The following ERBB4 variants were observed in gnomAD, a reference collection of about 807,000 sequenced individuals.
The protein encoded by ERBB4 is erb-b2 receptor tyrosine kinase 4.
A neutral mutation model predicts 158.0 loss-of-function variants in ERBB4; 42 were observed. That is an observed-to-expected ratio of 0.27 (90% CI 0.21 to 0.34). ERBB4 has a LOEUF of 0.34. ERBB4 is among the 10% of genes least tolerant of loss of function. The pLI, the probability that ERBB4 is intolerant of heterozygous loss-of-function variation, is 1.00. For missense variants in ERBB4, 1,333 were observed against 1,624.1 expected, an observed-to-expected ratio of 0.82 and a Z score of 3.08; for synonymous variants, 583 against 558.7, an observed-to-expected ratio of 1.04 and a Z score of -0.61.
At chr2:212,197,529 A>T (rs1364451678) in intron 1 of ERBB4, among the ~76,000 whole-genome samples, 1 of 152,188 alleles carries the variant, frequency 6.6e-6, no homozygotes, top group Non-Finnish European at 1.5e-5. Flanking sequence ...CTTGCTCAAA[A>T]TTATTTGGCT....
At chr2:212,294,630 A>G (rs1304167260) in intron 1 of ERBB4, among the ~76,000 whole-genome samples, 1 of 152,034 alleles carries the variant, frequency 6.6e-6, no homozygotes, top group East Asian at 1.9e-4. Context: ...TATCAAAACT[A>G]TACTTACAAT....
At chr2:212,420,137 C>T (rs1035539716) in intron 1 of ERBB4, among the ~76,000 whole-genome samples, 1 of 151,960 alleles carries the variant, frequency 6.6e-6, no homozygotes, top group Non-Finnish European at 1.5e-5. Flanking sequence ...CATTTTATAG[C>T]ATTCATTCCT....
intron 1 of ERBB4, among the ~76,000 whole-genome samples, chr2:212,361,524 T>A (rs559464237): frequency 3.0e-4 from 46 of 151,830 alleles, no homozygotes; most frequent in African/African-American, 1.1e-3. Flanking sequence ...TATGGCAGAT[T>A]AATTCTTTTA....
chr2:211,913,899 A>C (rs1488918136), intron 3 of ERBB4, among the ~76,000 whole-genome samples: 1 of 151,774 alleles, frequency 6.6e-6, no homozygotes, highest in Non-Finnish European at 1.5e-5. Context: ...ACCTCAAATA[A>C]AACAATAGAA....
chr2:212,443,088 G>A (rs543558761), intron 1 of ERBB4, among the ~76,000 whole-genome samples: 29 of 152,316 alleles, frequency 1.9e-4, no homozygotes, highest in African/African-American at 7.0e-4. Flanking sequence ...CTTGGCAAAT[G>A]CCTTTTTCTC....
chr2:211,926,710 C>T (rs115593317), intron 3 of ERBB4, among the ~76,000 whole-genome samples: 7,156 of 152,144 alleles, frequency 0.047, 226 homozygotes, highest in Middle Eastern at 0.095. Flanking sequence ...ATCTATACTT[C>T]TCTATTTTGA....
intron 9 of ERBB4, among the ~76,000 whole-genome samples, chr2:211,710,703 G>A (rs905547982): frequency 5.3e-5 from 8 of 152,084 alleles, no homozygotes; most frequent in African/African-American, 9.7e-5. Flanking sequence ...TCTTTCCCAC[G>A]CTGTTCTCAT....
intron 2 of ERBB4, among the ~76,000 whole-genome samples, chr2:212,073,042 A>G (rs1327567053): frequency 6.6e-6 from 1 of 151,958 alleles, no homozygotes; most frequent in African/African-American, 2.4e-5. Context: ...AATTGATTAG[A>G]CAAAAGTAGG....
intron 1 of ERBB4, among the ~76,000 whole-genome samples, chr2:212,494,798 A>ATTAATGGCCAGCAGATG (rs1265541034): frequency 6.6e-6 from 1 of 152,096 alleles, no homozygotes; most frequent in African/African-American, 2.4e-5. Context: ...TTTTCTAGAA[A>ATTAATGGCCAGCAGATG]TTAATGGCCA....
intron 1 of ERBB4, among the ~76,000 whole-genome samples, chr2:212,139,769 G>A (rs908258851): frequency 2.6e-5 from 4 of 151,850 alleles, no homozygotes; most frequent in Non-Finnish European, 5.9e-5. Flanking sequence ...TAGAGATACA[G>A]ATGGAAAAGA....
chr2:211,678,232 G>C (rs1204760434), intron 13 of ERBB4, among the ~76,000 whole-genome samples: 2 of 151,288 alleles, frequency 1.3e-5, no homozygotes, highest in African/African-American at 4.9e-5. Flanking sequence ...CTAAGCACTT[G>C]TCAAAGACAG....
At chr2:212,518,343 C>A (rs1321267066) in intron 1 of ERBB4, among the ~76,000 whole-genome samples, 1 of 152,012 alleles carries the variant, frequency 6.6e-6, no homozygotes, top group East Asian at 1.9e-4. Context: ...AAAGCCGTCA[C>A]TGCAAATTAT....
chr2:211,524,210 G>C (rs1166670992), intron 20 of ERBB4, among the ~76,000 whole-genome samples: 3 of 151,970 alleles, frequency 2.0e-5, no homozygotes, highest in Non-Finnish European at 4.4e-5. Flanking sequence ...TGCATTCACA[G>C]ACCCTGAGCT....
intron 3 of ERBB4, among the ~76,000 whole-genome samples, chr2:211,859,720 C>G (rs542730388): frequency 6.6e-4 from 101 of 152,172 alleles, no homozygotes; most frequent in African/African-American, 2.4e-3. Context: ...GCAATCTGCT[C>G]ATTATCTCAT....
intron 1 of ERBB4, among the ~76,000 whole-genome samples, chr2:212,430,299 A>G (rs1478401579): frequency 6.6e-6 from 1 of 152,222 alleles, no homozygotes; most frequent in African/African-American, 2.4e-5. Flanking sequence ...TGTCTATATC[A>G]AACATCTTAT....
intron 20 of ERBB4, among the ~76,000 whole-genome samples, chr2:211,523,054 G>T (rs1338510778): frequency 6.6e-6 from 1 of 150,618 alleles, no homozygotes; most frequent in Non-Finnish European, 1.5e-5. Flanking sequence ...AGAAAGGCAA[G>T]AGGATAGGAA....
intron 19 of ERBB4, among the ~76,000 whole-genome samples, chr2:211,569,389 C>A (rs1281005297): frequency 6.6e-6 from 1 of 152,150 alleles, no homozygotes; most frequent in Non-Finnish European, 1.5e-5. Flanking sequence ...AGGTGCCTAG[C>A]ACTGTGATTG....
At chr2:212,138,735 C>T (rs552027337) in intron 1 of ERBB4, among the ~76,000 whole-genome samples, 35 of 152,280 alleles carry the variant, frequency 2.3e-4, no homozygotes, top group African/African-American at 5.3e-4. Flanking sequence ...GGTCCTCATT[C>T]ACTTGTCTAA....
intron 1 of ERBB4, among the ~76,000 whole-genome samples, chr2:212,152,461 C>T: frequency 6.6e-6 from 1 of 152,196 alleles, no homozygotes; most frequent in East Asian, 1.9e-4. Context: ...CCTCATCTTC[C>T]TCTTTCTCTT....
Sources: allele counts gnomAD v4.1 joint callset (sites outside exome capture counted in the v4.1 genomes callset), GRCh38; gene constraint gnomAD v4.1.1; transcripts MANE v1.5; gene names NCBI Gene and HGNC (gene_info 2026-07-23, HGNC 2026-07-21).